S100G: variants seen among roughly 807,000 people sequenced by gnomAD.
S100G encodes the protein protein S100-G.
A neutral mutation model predicts 4.4 loss-of-function variants in S100G; 4 were observed. The ratio of observed to expected loss-of-function variants is 0.91; its 90% CI spans 0.45 to 2.09. The LOEUF (loss-of-function observed/expected upper bound fraction) is 2.09, where lower values mean the gene tolerates loss of function less well. S100G is among the 30% of genes most tolerant of loss of function. S100G has a pLI of 0.03. For missense variants in S100G, 48 were observed against 49.8 expected (o/e 0.96, Z 0.11); for synonymous variants, 24 against 20.1 (o/e 1.20, Z -0.53).
chrX:16,650,424 A>T (rs940175589), intron 1 of S100G, among the ~76,000 whole-genome samples: 14 of 110,762 alleles, frequency 1.3e-4, no homozygotes, highest in African/African-American at 4.6e-4. Flanking sequence ...GAATGTCATT[A>T]ATTACTAATA....
intron 2 of S100G, among the ~76,000 whole-genome samples, chrX:16,653,105 T>C (rs1932725154): frequency 1.8e-5 from 2 of 110,770 alleles, no homozygotes; most frequent in African/African-American, 6.5e-5. Flanking sequence ...ACAATTTATA[T>C]ATACATATAT....
At chrX:16,652,269 T>C (rs918305687) in intron 2 of S100G, among the ~76,000 whole-genome samples, 9 of 112,259 alleles carry the variant, frequency 8.0e-5, no homozygotes, top group Admixed American at 4.7e-4. Context: ...TTGTTTTGTA[T>C]GACTCAGTCA....
chrX:16,650,305 G>C (rs1423341427), intron 1 of S100G, 102 bp downstream of exon 1: 2 of 110,876 alleles, frequency 1.8e-5, no homozygotes, highest in Non-Finnish European at 3.8e-5. Flanking sequence ...GAGAAGGTGA[G>C]TTTATGCCAT....
chrX:16,650,850 G>A, intron 1 of S100G, 149 bp from the exon 2 acceptor site: 2 of 473,640 alleles, frequency 4.2e-6, no homozygotes, highest in Non-Finnish European at 7.3e-6. Context: ...AGTTACTGGT[G>A]CCATTCCGAC....
chrX:16,650,935 C>T, intron 1 of S100G, 64 bp from the exon 2 acceptor site: 1 of 1,000,477 alleles, frequency 1.0e-6, no homozygotes, highest in Non-Finnish European at 1.4e-6. Flanking sequence ...ATCCTGCAGA[C>T]AACCCTCAGC....
intron 2 of S100G, among the ~76,000 whole-genome samples, chrX:16,651,604 T>C (rs775091179): frequency 1.8e-5 from 2 of 112,369 alleles, no homozygotes; most frequent in South Asian, 3.7e-4. Flanking sequence ...CACTGACAAA[T>C]TGCCTTGTCA....
chrX:16,651,173 G>T, intron 2 of S100G, 32 bp downstream of exon 2: 1 of 1,052,755 alleles, frequency 9.5e-7, no homozygotes, highest in South Asian at 1.9e-5. Context: ...CCACTTAATG[G>T]GACTGATGGT....
In S100G at chrX:16,654,506, G is replaced by C; in HGVS notation, c.237G>C (p.Gln79His). ...EFQVLVKKIS[Q>H] ...AAGTATTAGTAAAAAAGATATCCCAGTGAAGGAGAAAACAAAATAGAACCC... is the reference window on the plus strand; with the variant it reads ...AAGTATTAGTAAAAAAGATATCCCACTGAAGGAGAAAACAAAATAGAACCC... The change falls in exon 3 of 3, where the codon CAG becomes CAC. Residue 79 changes from glutamine (Q) to histidine (H), a missense_variant. Coordinates refer to ENST00000380200, the MANE Select transcript of S100G (RefSeq NM_004057.3). 1 of 1,146,645 alleles carries C rather than the reference G, an allele frequency of 8.7e-7. No individual in the cohort carries two copies. 94.5% of individuals were successfully genotyped at this position (1,146,645 alleles called of 1,213,427 possible).
Position 16,654,552 on chromosome X carries a change from C to T in S100G, c.*43C>T, listed in dbSNP as rs6629164. 1.7e-3 allele frequency: 1,406 copies of T among 827,045 alleles called. 19 individuals carry two copies. The East Asian group carries it at 0.037, about 22-fold the overall frequency. The allele number at this position is 827,045 out of a possible 1,213,427, so 68.2% of individuals were successfully genotyped here. On this transcript the variant is annotated 3_prime_UTR_variant, in exon 3 of 3. Coordinates refer to ENST00000380200, the MANE Select transcript of S100G (RefSeq NM_004057.3). Reference sequence around the variant, plus strand: ...AACCCTGAGCACTGGAGGAAGAGCGCCTGTGCTGTGGTCTTATCCTATGTG... The same window carrying T: ...AACCCTGAGCACTGGAGGAAGAGCGTCTGTGCTGTGGTCTTATCCTATGTG...
At chrX:16,653,262 T>C (rs978407400) in intron 2 of S100G, among the ~76,000 whole-genome samples, 8 of 110,835 alleles carry the variant, frequency 7.2e-5, no homozygotes, top group African/African-American at 2.6e-4. Context: ...GAGACAAAAA[T>C]TAACTCCACT....
At chrX:16,654,052 T>C (rs776107055) in intron 2 of S100G, among the ~76,000 whole-genome samples, 2 of 112,197 alleles carry the variant, frequency 1.8e-5, no homozygotes, top group Non-Finnish European at 1.9e-5. Context: ...CAACTGTTTG[T>C]GTGCCGTGGG....
intron 2 of S100G, 48 bp downstream of exon 2, chrX:16,651,189 G>T: frequency 1.0e-6 from 1 of 970,078 alleles, no homozygotes; most frequent in Non-Finnish European, 1.5e-6. Flanking sequence ...ATGGTGGGAG[G>T]GGAGGGAGGG....
intron 2 of S100G, among the ~76,000 whole-genome samples, chrX:16,653,944 G>A (rs1051904049): frequency 3.6e-5 from 4 of 110,912 alleles, no homozygotes; most frequent in Non-Finnish European, 5.7e-5. Context: ...GATTACAGAA[G>A]GAGCCCTCCC....
Position 16,650,205 on chromosome X carries a change from T to C in S100G, c.-9+2T>C, listed in dbSNP as rs998626710. 8.9e-6 allele frequency: 1 copy of C among 111,997 alleles called. No individual in the cohort carries two copies. The highest frequency in any genetic ancestry group is 3.2e-5 in the African/African-American group (1 of 30,793). The allele number at this position is 111,997 out of a possible 1,213,427, so 9.2% of individuals were successfully genotyped here. A position where few individuals can be genotyped will look rare whatever the true frequency, so the allele number is the denominator to read the frequency against. On this transcript the variant is annotated splice_donor_variant, in intron 1 of 2. Transcript: ENST00000380200. LOFTEE classifies it low-confidence loss of function (5UTR_SPLICE). ...GCTGTTTCACTATTGGGCAACCAGG[T>C]TAGTGTGATTTTGGTACTACCTAGA...
intron 2 of S100G, among the ~76,000 whole-genome samples, 186 bp downstream of exon 2, chrX:16,651,327 C>T (rs1039225315): frequency 1.8e-5 from 2 of 111,381 alleles, no homozygotes; most frequent in African/African-American, 6.5e-5. Context: ...AAGGGCCAAG[C>T]CTTCTATCCC....
intron 2 of S100G, among the ~76,000 whole-genome samples, chrX:16,652,888 T>G (rs778428372): frequency 8.9e-6 from 1 of 111,829 alleles, no homozygotes; most frequent in East Asian, 2.8e-4. Context: ...CAGTGTTTCA[T>G]ATTCATAAAT....
chrX:16,650,545 C>T (rs760432687), intron 1 of S100G, among the ~76,000 whole-genome samples: 2 of 87,016 alleles, frequency 2.3e-5, no homozygotes, highest in Admixed American at 2.9e-4. Flanking sequence ...GCAGCGGAGG[C>T]TCGCTCTGTC....
At chrX:16,651,662 A>C (rs1932639264) in intron 2 of S100G, among the ~76,000 whole-genome samples, 1 of 112,209 alleles carries the variant, frequency 8.9e-6, no homozygotes, top group African/African-American at 3.2e-5. Flanking sequence ...TCATCACTTA[A>C]ATTTGTGTTA....
chrX:16,653,168 G>A (rs1158565253), intron 2 of S100G, among the ~76,000 whole-genome samples: 2 of 110,321 alleles, frequency 1.8e-5, no homozygotes, highest in African/African-American at 3.3e-5. Flanking sequence ...TATTTCAATC[G>A]GTTTTCTAAG....
Sources: allele counts gnomAD v4.1 joint callset (sites outside exome capture counted in the v4.1 genomes callset), GRCh38; gene constraint gnomAD v4.1.1; transcripts MANE v1.5; gene names NCBI Gene and HGNC (gene_info 2026-07-23, HGNC 2026-07-21).